Variants in WDFY3 observed in about 807,000 individuals in gnomAD.
WDFY3 encodes WD repeat and FYVE domain-containing protein 3.
WDFY3 carries 66 observed loss-of-function variants against 409.6 expected under a neutral mutation model. The ratio of observed to expected loss-of-function variants is 0.16; its 90% CI spans 0.13 to 0.20. The LOEUF (loss-of-function observed/expected upper bound fraction) is 0.20. Ranked by LOEUF, WDFY3 falls within the 10% of genes least tolerant of loss-of-function variation. The pLI is 1.00. For missense variants in WDFY3, 3,031 were observed against 4,298.1 expected, an observed-to-expected ratio of 0.71 and a Z score of 8.24; for synonymous variants, 1,521 against 1,537.1, an observed-to-expected ratio of 0.99 and a Z score of 0.25.
chr4:84,745,175 A>G (rs1739205869), intron 36 of WDFY3, among the ~76,000 whole-genome samples: 1 of 152,202 alleles, frequency 6.6e-6, no homozygotes, highest in South Asian at 2.1e-4. Flanking sequence ...GTAGCAAGGA[A>G]CTGGGAACAG....
chr4:84,796,711 C>A lies in WDFY3; in HGVS notation c.2977G>T (p.Val993Phe). The change falls in exon 19 of 68, where the codon GTT becomes TTT. Residue 993 changes from valine (V) to phenylalanine (F), a missense_variant. Around this residue, in one of 16 missense-constraint regions of WDFY3, gnomAD observed 1,322 missense variants for 1,697.9 expected, o/e 0.78. Coordinates refer to ENST00000295888, the MANE Select transcript of WDFY3 (RefSeq NM_014991.6). ...TGGTTATCTTCATGTAAGCTAAAAA[C>A]ATTATCAGTACCCAGACCTTCCAGA... ...TSLEGLGTDN[V>F]FSLHEDNHYR... 1 of 1,614,140 alleles carries A rather than the reference C, an allele frequency of 6.2e-7. No homozygotes were observed. Among genetic ancestry groups the A allele is most frequent in the East Asian group, 2.2e-5 (1 of 44,874 alleles).
At chr4:84,845,540 A>G (rs1038791419) in intron 5 of WDFY3, among the ~76,000 whole-genome samples, 9 of 152,154 alleles carry the variant, frequency 5.9e-5, no homozygotes, top group Admixed American at 2.0e-4. Flanking sequence ...TGTACTGCAC[A>G]CTTAAAAATT....
rs762310419 is a variant in WDFY3 at position 84,735,031 on chromosome 4, A to T, written c.6993+12T>A. The T allele has an allele frequency of 1.2e-6, 2 of 1,605,254 alleles. No individual in the cohort carries two copies. Among genetic ancestry groups the T allele is most frequent in the East Asian group, 2.2e-5 (1 of 44,800 alleles). ...TGTAAAACAAACCATTATGATGATT[A>T]TAAGTCCTTACCTCCTGATATTCTT... On this transcript the variant is annotated intron_variant, in intron 43 of 67. Coordinates refer to ENST00000295888, the MANE Select transcript of WDFY3 (RefSeq NM_014991.6).
chr4:84,751,215 A>G, intron 36 of WDFY3: 1 of 485,508 alleles, frequency 2.1e-6, no homozygotes. Flanking sequence ...AATATTTACT[A>G]TTTGGCTTTT....
intron 1 of WDFY3, among the ~76,000 whole-genome samples, chr4:84,958,573 G>T (rs1386664676): frequency 6.6e-6 from 1 of 152,158 alleles, no homozygotes; most frequent in Non-Finnish European, 1.5e-5. Context: ...ATTCCAGGTA[G>T]AAAGAAAGGC....
At chr4:84,881,403 G>C (rs916439757) in intron 3 of WDFY3, among the ~76,000 whole-genome samples, 4 of 152,056 alleles carry the variant, frequency 2.6e-5, no homozygotes, top group Non-Finnish European at 5.9e-5. Flanking sequence ...ATTTCTGAAA[G>C]TACTTTGCAA....
Position 84,705,419 on chromosome 4 carries a change from C to A in WDFY3, c.8310G>T (p.Arg2770=), listed in dbSNP as rs775219050. ...TDERLAQYKK[R]YKDWEDPNGE... is the part of the protein sequence containing the mutation. ...CATTAGGATCCTCCCAGTCTTTATACCGCTTCTTATACTGAGCTAATCGTT... is the reference window on the plus strand; with the variant it reads ...CATTAGGATCCTCCCAGTCTTTATAACGCTTCTTATACTGAGCTAATCGTT... Residue 2770 remains arginine, a synonymous_variant, in exon 54 of 68, where the codon CGG becomes CGT. Transcript: ENST00000295888. 3 of 1,613,942 alleles carry A rather than the reference C, an allele frequency of 1.9e-6. No individual in the cohort carries two copies. Among genetic ancestry groups the A allele is most frequent in the South Asian group, 2.2e-5 (2 of 91,030 alleles).
intron 49 of WDFY3, among the ~76,000 whole-genome samples, chr4:84,715,796 A>G (rs939912220): frequency 2.0e-5 from 3 of 151,132 alleles, no homozygotes; most frequent in East Asian, 2.0e-4. Context: ...AAAAAAAAAA[A>G]AAGAAGTTAA....
chr4:84,782,632 G>C (rs1305818414), intron 25 of WDFY3, among the ~76,000 whole-genome samples: 3 of 152,144 alleles, frequency 2.0e-5, no homozygotes, highest in Admixed American at 6.5e-5. Flanking sequence ...GTGAGACTAT[G>C]CAACATTTGG....
chr4:84,872,249 G>C (rs1375750465), intron 3 of WDFY3, among the ~76,000 whole-genome samples: 2 of 151,876 alleles, frequency 1.3e-5, no homozygotes, highest in Non-Finnish European at 2.9e-5. Context: ...GGCAGATCAC[G>C]AGGTCAGGAG....
chr4:84,958,680 C>T (rs767038317), intron 1 of WDFY3, among the ~76,000 whole-genome samples: 7 of 152,216 alleles, frequency 4.6e-5, no homozygotes, highest in Non-Finnish European at 1.0e-4. Context: ...CTCAAACACA[C>T]TGAGCTCAGA....
At chr4:84,797,644 G>A (rs1284236957) in intron 18 of WDFY3, among the ~76,000 whole-genome samples, 4 of 151,688 alleles carry the variant, frequency 2.6e-5, no homozygotes, top group South Asian at 2.1e-4. Context: ...GCAGTGGCGC[G>A]ATCTCGGCTC....
intron 30 of WDFY3, among the ~76,000 whole-genome samples, chr4:84,768,802 A>C (rs1199405331): frequency 6.6e-6 from 1 of 152,224 alleles, no homozygotes; most frequent in Non-Finnish European, 1.5e-5. Context: ...TTATTTAAGA[A>C]ATACATTTCT....
At chr4:84,844,418 T>A (rs1469998206) in intron 5 of WDFY3, 1 of 1,282,170 alleles carries the variant, frequency 7.8e-7, no homozygotes, top group East Asian at 5.6e-5. Flanking sequence ...CTTCTTTTCA[T>A]TTGACAATAT....
chr4:84,845,376 T>C (rs1757949841), intron 5 of WDFY3, among the ~76,000 whole-genome samples: 1 of 152,116 alleles, frequency 6.6e-6, no homozygotes. Context: ...GTAGTCCAAC[T>C]TACAGAAGAA....
At chr4:84,852,956 G>T (rs548252905) in intron 4 of WDFY3, among the ~76,000 whole-genome samples, 1 of 151,914 alleles carries the variant, frequency 6.6e-6, no homozygotes. Context: ...TAGGAATTTC[G>T]CCATGTTGTA....
intron 7 of WDFY3, among the ~76,000 whole-genome samples, chr4:84,833,536 G>GCAAGTTA (rs1756072750): frequency 6.6e-6 from 1 of 151,984 alleles, no homozygotes; most frequent in African/African-American, 2.4e-5. Context: ...AGGCATGGTG[G>GCAAGTTA]CAAGTTACTC....
chr4:84,779,246 T>A (rs1330250374), intron 26 of WDFY3, among the ~76,000 whole-genome samples: 1 of 152,230 alleles, frequency 6.6e-6, no homozygotes, highest in Admixed American at 6.5e-5. Context: ...TGAAATACTA[T>A]AATTAAATCT....
Position 84,766,406 on chromosome 4 carries a change from G to T in WDFY3, c.4850-34C>A, listed in dbSNP as rs201046636. 4.4e-5 allele frequency: 68 copies of T among 1,544,426 alleles called. No individual in the cohort carries two copies. The African/African-American group carries it at 8.8e-4, about 20-fold the overall frequency. On this transcript the variant is annotated intron_variant, in intron 30 of 67. Transcript: ENST00000295888. ...AAAATAAATACATTAAATCTCCCTA[G>T]TAGATAAGCTAAAAGAAAATTTACA...
Sources: allele counts gnomAD v4.1 joint callset (sites outside exome capture counted in the v4.1 genomes callset), GRCh38; gene constraint gnomAD v4.1.1; regional missense constraint gnomAD v4.1.1; transcripts MANE v1.5; gene names NCBI Gene and HGNC (gene_info 2026-07-23, HGNC 2026-07-21).